The following RPSA2 variants were observed in gnomAD, a reference collection of about 807,000 sequenced individuals.
The protein encoded by RPSA2 is ribosomal protein SA 2.
At chr19:23,810,654 G>A in the RPSA2 span, among the ~76,000 whole-genome samples, 3 of 152,062 alleles carry the variant, frequency 2.0e-5, no homozygotes, top group Non-Finnish European at 2.9e-5. Context: ...CATGAACTGT[G>A]GCTCAGGGAG....
the RPSA2 span, among the ~76,000 whole-genome samples, chr19:23,843,639 C>T: frequency 6.6e-6 from 1 of 152,158 alleles, no homozygotes. Flanking sequence ...GTTTTCTTTT[C>T]CCATCATATC....
At chr19:23,787,720 C>T in the RPSA2 span, among the ~76,000 whole-genome samples, 6 of 152,306 alleles carry the variant, frequency 3.9e-5, no homozygotes, top group African/African-American at 1.4e-4. Flanking sequence ...AGAATCGTGA[C>T]CTTTCACAGC....
At chr19:23,828,824 G>T in the RPSA2 span, among the ~76,000 whole-genome samples, 148,629 of 151,952 alleles carry the variant, frequency 0.98, 72,780 homozygotes, top group Middle Eastern at 1. Flanking sequence ...TCTTGTTTTA[G>T]TTTTATTACA....
At chr19:23,856,476 C>T in the RPSA2 span, among the ~76,000 whole-genome samples, 222 of 151,446 alleles carry the variant, frequency 1.5e-3, no homozygotes, top group Non-Finnish European at 2.7e-3. Flanking sequence ...CCATACTTAC[C>T]CCAGACAATA....
chr19:23,820,924 C>T, the RPSA2 span, among the ~76,000 whole-genome samples: 2 of 152,246 alleles, frequency 1.3e-5, no homozygotes, highest in South Asian at 2.1e-4. Flanking sequence ...GTAAAGTACT[C>T]GATATCTGGG....
At chr19:23,825,795 GTC>G in the RPSA2 span, among the ~76,000 whole-genome samples, 1 of 151,992 alleles carries the variant, frequency 6.6e-6, no homozygotes, top group Non-Finnish European at 1.5e-5. Context: ...CTCCATGTTG[GTC>G]AGGCTGGTCT....
chr19:23,865,563 C>A, the RPSA2 span, among the ~76,000 whole-genome samples: 2 of 152,098 alleles, frequency 1.3e-5, no homozygotes, highest in Non-Finnish European at 1.5e-5. Context: ...TTAAAAAACT[C>A]ATTTGTTCCT....
chr19:23,826,200 C>CT, the RPSA2 span, among the ~76,000 whole-genome samples: 253 of 144,168 alleles, frequency 1.8e-3, no homozygotes, highest in African/African-American at 3.5e-3. Flanking sequence ...TTTCTTTTTT[C>CT]TTTTTTTTTT....
chr19:23,773,072 CCTGTGTGTATG>C, the RPSA2 span, among the ~76,000 whole-genome samples: 1 of 5,764 alleles, frequency 1.7e-4, no homozygotes, highest in South Asian at 0.083. Context: ...TCCGTCTCCT[CCTGTGTGTATG>C]TGTGTGTATA....
chr19:23,867,004 G>A, the RPSA2 span, among the ~76,000 whole-genome samples: 4,029 of 152,222 alleles, frequency 0.026, 87 homozygotes, highest in Middle Eastern at 0.054. Flanking sequence ...GGAATATATA[G>A]CACAATTATT....
At chr19:23,855,974 TTGG>T in the RPSA2 span, among the ~76,000 whole-genome samples, 1 of 152,066 alleles carries the variant, frequency 6.6e-6, no homozygotes, top group Non-Finnish European at 1.5e-5. Context: ...GCCACAAGTA[TTGG>T]TTCTTCATGA....
chr19:23,839,661 A>G, the RPSA2 span, among the ~76,000 whole-genome samples: 2 of 152,218 alleles, frequency 1.3e-5, no homozygotes, highest in African/African-American at 4.8e-5. Flanking sequence ...AAGTTCAGCT[A>G]GGGAAATCCT....
At chr19:23,827,135 G>A in the RPSA2 span, 81 of 764,570 alleles carry the variant, frequency 1.1e-4, 2 homozygotes, top group Admixed American at 4.8e-4. Context: ...CTGGATTCCC[G>A]TCGTAACTTA....
the RPSA2 span, among the ~76,000 whole-genome samples, chr19:23,783,539 C>A: frequency 7.7e-3 from 1,011 of 130,676 alleles, no homozygotes; most frequent in Middle Eastern, 0.012. Context: ...TGAGCACTGC[C>A]AAAAAAAAAA....
chr19:23,853,016 TAA>T, the RPSA2 span, among the ~76,000 whole-genome samples: 1 of 152,176 alleles, frequency 6.6e-6, no homozygotes, highest in Admixed American at 6.5e-5. Context: ...AATATCAATA[TAA>T]TGAAGAATAT....
chr19:23,761,617 A>G, the RPSA2 span, among the ~76,000 whole-genome samples: 96 of 152,174 alleles, frequency 6.3e-4, no homozygotes, highest in East Asian at 8.8e-3. Flanking sequence ...AGAAATTCCT[A>G]TATATCTTCT....
the RPSA2 span, among the ~76,000 whole-genome samples, chr19:23,813,556 A>G: frequency 6.6e-6 from 1 of 152,170 alleles, no homozygotes; most frequent in Non-Finnish European, 1.5e-5. Context: ...AGGCTGAATA[A>G]TATTCCATTG....
At chr19:23,839,270 C>T in the RPSA2 span, among the ~76,000 whole-genome samples, 1 of 152,124 alleles carries the variant, frequency 6.6e-6, no homozygotes, top group Non-Finnish European at 1.5e-5. Flanking sequence ...GAGTTGATTT[C>T]CAGTTTTATT....
the RPSA2 span, among the ~76,000 whole-genome samples, chr19:23,794,486 T>C: frequency 6.6e-6 from 1 of 152,212 alleles, no homozygotes; most frequent in Admixed American, 6.5e-5. Flanking sequence ...ACGTTTGTCT[T>C]CTTTTGAAAA....
Sources: allele counts gnomAD v4.1 joint callset (sites outside exome capture counted in the v4.1 genomes callset), GRCh38; gene constraint gnomAD v4.1.1; transcripts MANE v1.5; gene names NCBI Gene and HGNC (gene_info 2026-07-23, HGNC 2026-07-21).